The following DLG2 variants were observed in gnomAD, a reference collection of about 807,000 sequenced individuals.
DLG2 encodes disks large homolog 2.
DLG2 carries 45 observed loss-of-function variants against 132.5 expected under a neutral mutation model. The ratio of observed to expected loss-of-function variants is 0.34; its 90% confidence interval spans 0.27 to 0.44. The LOEUF is 0.44. Ranked by LOEUF, DLG2 falls within the 20% of genes least tolerant of loss-of-function variation. The probability of loss-of-function intolerance (pLI) is 1.00; values close to 1 mark genes in which losing one functional copy is unlikely to be tolerated. For synonymous variants in DLG2, 424 were observed against 419.6 expected (o/e 1.01, Z -0.13); for missense variants, 1,045 against 1,196.9 (o/e 0.87, Z 1.87).
At chr11:84,340,624 G>A (rs961376791) in intron 7 of DLG2, among the ~76,000 whole-genome samples, 8 of 152,102 alleles carry the variant, frequency 5.3e-5, no homozygotes, top group Non-Finnish European at 8.8e-5. Context: ...AATATCTCAA[G>A]GACACCTGGC....
intron 7 of DLG2, among the ~76,000 whole-genome samples, chr11:84,424,777 G>A (rs982546966): frequency 2.6e-5 from 4 of 152,120 alleles, no homozygotes; most frequent in South Asian, 2.1e-4. Flanking sequence ...TCCTAAGAAT[G>A]TAATCAAAGC....
intron 6 of DLG2, among the ~76,000 whole-genome samples, chr11:84,824,747 T>C (rs2078122248): frequency 6.6e-6 from 1 of 151,866 alleles, no homozygotes; most frequent in Non-Finnish European, 1.5e-5. Flanking sequence ...ACATAGGCTG[T>C]GTATGGTCAT....
chr11:83,532,088 T>C (rs1211865279), intron 21 of DLG2, among the ~76,000 whole-genome samples: 7 of 152,098 alleles, frequency 4.6e-5, no homozygotes, highest in Non-Finnish European at 1.0e-4. Context: ...GGTTGAATAA[T>C]TCTAAATATA....
intron 18 of DLG2, among the ~76,000 whole-genome samples, chr11:83,746,448 A>C (rs926511283): frequency 1.3e-5 from 2 of 152,122 alleles, no homozygotes; most frequent in Non-Finnish European, 2.9e-5. Context: ...GAAGCTGGAA[A>C]CCATCATTCT....
chr11:85,363,597 T>C (rs1379066505), intron 3 of DLG2, among the ~76,000 whole-genome samples: 3 of 152,196 alleles, frequency 2.0e-5, no homozygotes, highest in Admixed American at 2.0e-4. Flanking sequence ...AGCTCAATCT[T>C]TGAAAATAAA....
intron 6 of DLG2, among the ~76,000 whole-genome samples, chr11:84,699,000 G>T (rs1258582704): frequency 6.6e-6 from 1 of 151,462 alleles, no homozygotes; most frequent in African/African-American, 2.4e-5. Flanking sequence ...AAATCCCATA[G>T]TCTGTGATCC....
intron 8 of DLG2, among the ~76,000 whole-genome samples, chr11:84,192,289 T>C (rs2096425991): frequency 6.6e-6 from 1 of 152,232 alleles, no homozygotes; most frequent in African/African-American, 2.4e-5. Context: ...TAAGATAATT[T>C]GGGGTTTGCT....
chr11:84,163,480 T>C lies in DLG2; in HGVS notation c.605A>G (p.Glu202Gly), dbSNP rs1171967854. 1 of 1,607,292 alleles carries C rather than the reference T, an allele frequency of 6.2e-7. No homozygotes were observed. The highest frequency in any genetic ancestry group is 8.5e-7 in the Non-Finnish European group (1 of 1,177,616). Reference sequence around the variant, plus strand: ...TCTTACCCTCTCCAGTGTAATTTCTTCAAATTCATATTCAATTTCTGTCCC... The same window carrying C: ...TCTTACCCTCTCCAGTGTAATTTCTCCAAATTCATATTCAATTTCTGTCCC... ...VNGTEIEYEF[E>G]EITLERGNSG... Residue 202 changes from glutamate (E) to glycine (G), a missense_variant, in exon 9 of 28, where the codon GAA becomes GGA. Physicochemically the swap from Glu to Gly is moderately conservative, Grantham distance 98. Transcript: ENST00000376104.
intron 4 of DLG2, among the ~76,000 whole-genome samples, chr11:85,246,744 T>G (rs1354469793): frequency 6.6e-6 from 1 of 152,050 alleles, no homozygotes; most frequent in African/African-American, 2.4e-5. Flanking sequence ...CCTGTAGTTG[T>G]ATAATTGTAG....
At chr11:84,180,625 T>C (rs1436517129) in intron 8 of DLG2, among the ~76,000 whole-genome samples, 2 of 152,022 alleles carry the variant, frequency 1.3e-5, no homozygotes, top group Non-Finnish European at 2.9e-5. Context: ...AGGCATACCA[T>C]ATTCAAACTT....
intron 3 of DLG2, among the ~76,000 whole-genome samples, chr11:85,304,961 T>C (rs182981609): frequency 2.0e-5 from 3 of 152,350 alleles, no homozygotes; most frequent in Admixed American, 1.3e-4. Flanking sequence ...TGAGGACAAG[T>C]ATCTTTCCAG....
At chr11:85,400,921 T>A (rs2088016334) in intron 3 of DLG2, among the ~76,000 whole-genome samples, 1 of 149,108 alleles carries the variant, frequency 6.7e-6, no homozygotes. Context: ...ACCCTAAAAC[T>A]TAAAGTATAA....
chr11:83,682,537 T>C, intron 18 of DLG2: 1 of 790,624 alleles, frequency 1.3e-6, no homozygotes, highest in Non-Finnish European at 1.5e-6. Flanking sequence ...CGTGTTCCCC[T>C]ACACCTTGTT....
chr11:83,597,232 A>G (rs2057742921), intron 19 of DLG2, among the ~76,000 whole-genome samples: 1 of 152,206 alleles, frequency 6.6e-6, no homozygotes, highest in African/African-American at 2.4e-5. Context: ...AAGAGACATC[A>G]AAATTAAGTA....
chr11:84,364,810 C>A (rs1361186904), intron 7 of DLG2, among the ~76,000 whole-genome samples: 1 of 152,098 alleles, frequency 6.6e-6, no homozygotes, highest in Non-Finnish European at 1.5e-5. Context: ...TGCTGGATTA[C>A]ATTTATTGAT....
intron 6 of DLG2, among the ~76,000 whole-genome samples, chr11:84,695,178 A>G (rs1301694089): frequency 6.6e-6 from 1 of 151,580 alleles, no homozygotes; most frequent in African/African-American, 2.4e-5. Flanking sequence ...TGCCCTTTGC[A>G]CAGTTCTGCA....
intron 6 of DLG2, among the ~76,000 whole-genome samples, chr11:84,947,560 C>T (rs1210577234): frequency 6.6e-6 from 1 of 152,222 alleles, no homozygotes; most frequent in Non-Finnish European, 1.5e-5. Context: ...TCCCCCACCA[C>T]ACCCCTTGCT....
At chr11:85,482,704 C>T (rs2093327285) in intron 3 of DLG2, among the ~76,000 whole-genome samples, 1 of 151,988 alleles carries the variant, frequency 6.6e-6, no homozygotes, top group African/African-American at 2.4e-5. Context: ...AGCTCCAAAC[C>T]AGTGCCCACA....
intron 3 of DLG2, among the ~76,000 whole-genome samples, chr11:85,555,139 T>C (rs2076869111): frequency 1.3e-5 from 2 of 151,896 alleles, no homozygotes; most frequent in Non-Finnish European, 2.9e-5. Flanking sequence ...GGTTTGTCTG[T>C]GCAGTGGGCA....
Sources: gnomAD v4.1 joint callset for allele counts (sites outside exome capture counted in the v4.1 genomes callset) on GRCh38, gnomAD v4.1.1 for gene constraint, MANE v1.5 for transcripts, NCBI Gene and HGNC (gene_info 2026-07-23, HGNC 2026-07-21) for gene names.